The following RHPN2 variants were observed in gnomAD, a reference collection of about 807,000 sequenced individuals.
RHPN2 encodes rhophilin Rho GTPase binding protein 2.
A neutral mutation model predicts 79.0 loss-of-function variants in RHPN2; 40 were observed. The ratio of observed to expected loss-of-function variants is 0.51; its 90% CI spans 0.39 to 0.66. RHPN2 has a LOEUF of 0.66. RHPN2 is among the 30% of genes least tolerant of loss of function. The pLI is 0.00. For missense variants in RHPN2, 686 were observed against 883.5 expected (o/e 0.78, Z 2.83); for synonymous variants, 285 against 363.5 (o/e 0.78, Z 2.46).
In RHPN2 at chr19:33,002,385, G is replaced by C; in HGVS notation, c.967C>G (p.Gln323Glu). Residue 323 changes from glutamine to glutamate, a missense_variant, in exon 9 of 15, where the codon CAG becomes GAG. Transcript: ENST00000254260. Reference sequence around the variant, plus strand: ...GCCTGGCTCATGGCTGCGTGTAGCTGTTGGTAGACCTCTCCCACCTGAAAT... The same window carrying C: ...GCCTGGCTCATGGCTGCGTGTAGCTCTTGGTAGACCTCTCCCACCTGAAAT... ...EAAKVGEVYQ[Q>E]LHAAMSQAPV... 1.2e-6 allele frequency: 2 copies of C among 1,613,932 alleles called. No homozygotes were observed. Among genetic ancestry groups the C allele is most frequent in the Non-Finnish European group, 1.7e-6 (2 of 1,179,852 alleles).
rs1971551252 is a variant in RHPN2, at chr19:32,978,811, TATAGC to T, written c.*1180_*1184del. ...ATTAGATTCACGGTGTCATCGAACTTATAGCAAGATAAAAATCAATCAGTAGGAAT... is the reference window on the plus strand; with the variant it reads ...ATTAGATTCACGGTGTCATCGAACTTAAGATAAAAATCAATCAGTAGGAAT... On this transcript the variant is annotated 3_prime_UTR_variant, in exon 15 of 15. Coordinates refer to ENST00000254260, the MANE Select transcript of RHPN2 (RefSeq NM_033103.5). 6.6e-6 allele frequency: 1 copy of T among 152,588 alleles called. No homozygotes were observed. Among genetic ancestry groups the T allele is most frequent in the African/African-American group, 2.4e-5 (1 of 41,448 alleles). 9.5% of individuals were successfully genotyped at this position (152,588 alleles called of 1,614,324 possible). A position where few individuals can be genotyped will look rare whatever the true frequency, so the allele number is the denominator to read the frequency against.
intron 6 of RHPN2, 74 bp from the exon 7 acceptor site, chr19:33,008,254 T>C: frequency 5.5e-6 from 8 of 1,452,880 alleles, no homozygotes; most frequent in Non-Finnish European, 7.5e-6. Context: ...AAAATTCTTT[T>C]TTTTTTTTTT....
chr19:32,988,203 C>T (rs1187141491), intron 14 of RHPN2, among the ~76,000 whole-genome samples: 1 of 141,824 alleles, frequency 7.1e-6, no homozygotes, highest in South Asian at 2.2e-4. Flanking sequence ...GTCTCAAAAA[C>T]AACAACAACA....
chr19:33,044,270 G>A lies in RHPN2; in HGVS notation c.164C>T (p.Thr55Ile), dbSNP rs757248354. ...CTACTTCAGAAGGTTTTCCGCTCCG[G>A]TCCTCATCCGCACGGCTTTCAGGAT... ...QQILKAVRMR[T>I]GAENLLKVAT... The change falls in exon 2 of 15, where the codon ACC becomes ATC. Residue 55 changes from threonine to isoleucine, a missense_variant. Physicochemically the swap from Thr to Ile is moderately conservative, Grantham distance 89. Coordinates refer to ENST00000254260, the MANE Select transcript of RHPN2 (RefSeq NM_033103.5). 1.2e-6 allele frequency: 2 copies of A among 1,613,922 alleles called. No individual in the cohort carries two copies. Among genetic ancestry groups the A allele is most frequent in the Admixed American group, 1.7e-5 (1 of 59,972 alleles).
chr19:33,041,215 G>A (rs1972097419), intron 2 of RHPN2, among the ~76,000 whole-genome samples: 1 of 152,028 alleles, frequency 6.6e-6, no homozygotes, highest in Non-Finnish European at 1.5e-5. Flanking sequence ...TATTCCAACA[G>A]ATCTACTTTC....
chr19:33,022,190 C>T (rs1432403987), intron 3 of RHPN2, among the ~76,000 whole-genome samples: 13 of 152,260 alleles, frequency 8.5e-5, no homozygotes, highest in Admixed American at 5.9e-4. Context: ...TCAAGCGATC[C>T]GCCCACCTTG....
intron 3 of RHPN2, among the ~76,000 whole-genome samples, chr19:33,025,981 G>GT (rs71340523): frequency 0.1 from 13,180 of 129,034 alleles, 1,029 homozygotes; most frequent in South Asian, 0.23. Flanking sequence ...GTGTTCATTT[G>GT]TTTTTTTTTT....
intron 1 of RHPN2, among the ~76,000 whole-genome samples, chr19:33,059,593 C>A (rs901595397): frequency 6.6e-6 from 1 of 152,060 alleles, no homozygotes; most frequent in Admixed American, 6.6e-5. Context: ...GCCACTGTGC[C>A]CTGCCACACC....
At chr19:32,987,052 A>AT (rs1337532411) in intron 14 of RHPN2, among the ~76,000 whole-genome samples, 1 of 150,950 alleles carries the variant, frequency 6.6e-6, no homozygotes, top group Non-Finnish European at 1.5e-5. Context: ...AATTTTTTTT[A>AT]TTTTTTGTAG....
intron 1 of RHPN2, among the ~76,000 whole-genome samples, chr19:33,047,930 T>A (rs1037834458): frequency 2.0e-5 from 3 of 151,976 alleles, no homozygotes. Context: ...ATAATAAAAA[T>A]TTTTAAATAA....
intron 9 of RHPN2, among the ~76,000 whole-genome samples, chr19:33,001,345 T>G (rs1428434193): frequency 6.6e-6 from 1 of 152,044 alleles, no homozygotes; most frequent in Non-Finnish European, 1.5e-5. Flanking sequence ...GAAACCAACT[T>G]AGGCAACATA....
chr19:33,029,064 C>T lies in RHPN2; in HGVS notation c.186-2432G>A, dbSNP rs1427540972. On this transcript the variant is annotated intron_variant, in intron 2 of 14. Transcript: ENST00000254260. ...CTGATGCAGGAGAATCACTTGAACC[C>T]GGAAGGCAGAGGTTGCAGTGAGCCA... Among the ~76,000 whole-genome samples the T allele has an allele frequency of 5.3e-5, 8 of 152,022 alleles. No homozygotes were observed. The East Asian group carries it at 5.8e-4, about 11-fold the overall frequency.
chr19:33,015,619 C>G (rs1222690239), intron 4 of RHPN2, among the ~76,000 whole-genome samples: 1 of 151,932 alleles, frequency 6.6e-6, no homozygotes, highest in Non-Finnish European at 1.5e-5. Context: ...TTATAAAACC[C>G]AATAGCATCA....
At chr19:33,016,695 CATAAAATAAA>C (rs1279122489) in intron 4 of RHPN2, among the ~76,000 whole-genome samples, 1 of 152,024 alleles carries the variant, frequency 6.6e-6, no homozygotes, top group Non-Finnish European at 1.5e-5. Context: ...TAAATAGATA[CATAAAATAAA>C]ATAAAACAAA....
At chr19:33,035,520 C>CAG (rs1972049128) in intron 2 of RHPN2, among the ~76,000 whole-genome samples, 1 of 152,146 alleles carries the variant, frequency 6.6e-6, no homozygotes, top group Non-Finnish European at 1.5e-5. Flanking sequence ...GGGTTGGTTT[C>CAG]TGTAATGCTG....
intron 9 of RHPN2, among the ~76,000 whole-genome samples, chr19:33,001,897 C>T (rs1971751606): frequency 6.6e-6 from 1 of 152,200 alleles, no homozygotes; most frequent in African/African-American, 2.4e-5. Context: ...AGCCACAGCA[C>T]CTGGCCTGCA....
At chr19:33,011,572 G>A in intron 6 of RHPN2, 107 bp downstream of exon 6, 1 of 1,320,038 alleles carries the variant, frequency 7.6e-7, no homozygotes, top group Non-Finnish European at 1.1e-6. Flanking sequence ...TAGGAAAGGG[G>A]GCTGAGGTGC....
chr19:32,993,469 G>T (rs1295721146), intron 12 of RHPN2, among the ~76,000 whole-genome samples: 1 of 151,932 alleles, frequency 6.6e-6, no homozygotes, highest in Admixed American at 6.6e-5. Flanking sequence ...GTGAGACTCT[G>T]TCTCAAAAAA....
At position 33,039,624 on chromosome 19, in the gene RHPN2, G is replaced by A. The variant is rs965537828; in HGVS notation, c.185+4625C>T. On this transcript the variant is annotated intron_variant, in intron 2 of 14. Transcript: ENST00000254260. ...AGGCTGAGGCAGACAGATCACTTGA[G>A]GTCAGGAGTTTGAGATCAGCTTGGC... is the stretch of plus-strand genomic sequence containing the variant. Among the ~76,000 whole-genome samples the A allele has an allele frequency of 5.9e-5, 9 of 152,038 alleles. 1 individual carries two copies. The South Asian group carries it at 1.5e-3, about 25-fold the overall frequency.
Sources: gnomAD v4.1 joint callset for allele counts (sites outside exome capture counted in the v4.1 genomes callset) on GRCh38, gnomAD v4.1.1 for gene constraint, MANE v1.5 for transcripts, NCBI Gene and HGNC (gene_info 2026-07-23, HGNC 2026-07-21) for gene names.